SND1: variants seen among roughly 807,000 people sequenced by gnomAD.
SND1 encodes staphylococcal nuclease and tudor domain containing 1.
A neutral mutation model predicts 121.7 loss-of-function variants in SND1; 38 were observed. That is an observed-to-expected ratio of 0.31 (90% CI 0.24 to 0.41). The LOEUF (loss-of-function observed/expected upper bound fraction) is 0.41, where lower values mean the gene tolerates loss of function less well. Among genes scored for constraint, SND1 ranks in the 10% least tolerant of loss-of-function variants. SND1 has a pLI of 1.00. For synonymous variants in SND1, 401 were observed against 447.4 expected, an observed-to-expected ratio of 0.90 and a Z score of 1.31; for missense variants, 868 against 1,184.6, an observed-to-expected ratio of 0.73 and a Z score of 3.92.
chr7:127,765,057 G>A (rs1166201841), intron 10 of SND1, among the ~76,000 whole-genome samples: 1 of 152,160 alleles, frequency 6.6e-6, no homozygotes, highest in East Asian at 1.9e-4. Flanking sequence ...GGAGACTAAA[G>A]AGGAATTTAT....
intron 12 of SND1, among the ~76,000 whole-genome samples, chr7:127,847,727 G>A (rs34980225): frequency 0.065 from 9,910 of 152,262 alleles, 421 homozygotes; most frequent in Middle Eastern, 0.2. Flanking sequence ...GTGTTATTGA[G>A]CAACGGGCTC....
At chr7:127,737,527 A>G (rs1054277705) in intron 10 of SND1, among the ~76,000 whole-genome samples, 1 of 152,206 alleles carries the variant, frequency 6.6e-6, no homozygotes, top group Non-Finnish European at 1.5e-5. Flanking sequence ...GGGAGCCGAG[A>G]TCACAACATT....
chr7:127,703,385 T>G, intron 7 of SND1, 62 bp downstream of exon 7: 8 of 1,564,412 alleles, frequency 5.1e-6, no homozygotes, highest in Non-Finnish European at 7.0e-6. Context: ...GTTTGAAGAA[T>G]AGGGGTTTGC....
In SND1 at chr7:127,981,268, C is replaced by T. The variant is rs187423940; in HGVS notation, c.1670-9679C>T. ...TTTGGTATGGATAATAAAGAGAAAC[C>T]CAGGAAAAAAAAAAAATTTTTGAAA... On this transcript the variant is annotated intron_variant, in intron 15 of 23. Transcript: ENST00000354725. Among the ~76,000 whole-genome samples, 494 of 151,508 alleles carry T rather than the reference C, an allele frequency of 3.3e-3. 17 individuals are homozygous for T. Among genetic ancestry groups the T allele is most frequent in the Admixed American group, 0.03 (465 of 15,258 alleles).
chr7:127,822,455 T>A (rs1183064840), intron 11 of SND1, among the ~76,000 whole-genome samples: 2 of 152,360 alleles, frequency 1.3e-5, no homozygotes, highest in African/African-American at 2.4e-5. Context: ...AATGCAACTG[T>A]GAATTCTACT....
At chr7:127,933,250 C>T (rs1028571629) in intron 15 of SND1, among the ~76,000 whole-genome samples, 8 of 152,164 alleles carry the variant, frequency 5.3e-5, no homozygotes, top group African/African-American at 1.9e-4. Context: ...TCTGATCACT[C>T]GACTCTGCAT....
At chr7:127,871,497 T>A in intron 12 of SND1, among the ~76,000 whole-genome samples, 1 of 152,182 alleles carries the variant, frequency 6.6e-6, no homozygotes, top group East Asian at 1.9e-4. Flanking sequence ...TATAATCTTA[T>A]GGGATCCACC....
rs919948857 is a variant in SND1, at chr7:128,052,512, G to T, written c.1780-21990G>T. Among the ~76,000 whole-genome samples the T allele has an allele frequency of 6.6e-6, 1 of 152,216 alleles. No homozygotes were observed. The highest frequency in any genetic ancestry group is 2.4e-5 in the African/African-American group (1 of 41,450). On this transcript the variant is annotated intron_variant, in intron 16 of 23. Transcript: ENST00000354725. The surrounding 1 kb of genome is among the most constrained non-coding windows in gnomAD (Gnocchi z 4.6). ...CTCCTAGCAGCATCTGCTGAAAGGG[G>T]TGTAGTCATCCTGGCCCCAGACAGA... is the stretch of plus-strand genomic sequence containing the variant.
chr7:127,653,537 C>T (rs572048114), intron 1 of SND1, among the ~76,000 whole-genome samples: 2 of 152,206 alleles, frequency 1.3e-5, no homozygotes, highest in South Asian at 4.1e-4. Flanking sequence ...AGGCCTGGTG[C>T]GGTGGCTCAT....
intron 16 of SND1, among the ~76,000 whole-genome samples, chr7:128,066,130 G>A (rs1243912079): frequency 6.6e-6 from 1 of 152,192 alleles, no homozygotes; most frequent in Non-Finnish European, 1.5e-5. Context: ...GATGCTGATG[G>A]CAGTGGCTGC....
At position 127,907,825 on chromosome 7, in the gene SND1, C is replaced by A. The variant is rs141182222; in HGVS notation, c.1527+3006C>A. 9.1e-4 allele frequency among the ~76,000 whole-genome samples: 139 copies of A among 152,318 alleles called. 1 individual carries two copies. The highest frequency in any genetic ancestry group is 3.4e-3 in the Middle Eastern group (1 of 294). On this transcript the variant is annotated intron_variant, in intron 14 of 23. Coordinates refer to ENST00000354725, the MANE Select transcript of SND1 (RefSeq NM_014390.4). ...AGTTTCTACTCCTTTTCCATGATCT[C>A]TTCTCTTGCTGTTTAAAAAATGATT...
chr7:127,723,286 G>C (rs1796527761), intron 10 of SND1, among the ~76,000 whole-genome samples: 1 of 152,200 alleles, frequency 6.6e-6, no homozygotes, highest in Non-Finnish European at 1.5e-5. Context: ...TGGCTGACAG[G>C]AAATTGTTGG....
At chr7:128,038,005 T>A (rs532494843) in intron 16 of SND1, among the ~76,000 whole-genome samples, 31 of 152,326 alleles carry the variant, frequency 2.0e-4, no homozygotes, top group African/African-American at 7.5e-4. Flanking sequence ...GAGCTTCATG[T>A]TCATTGGAGA....
At chr7:127,956,830 T>A (rs116076790) in intron 15 of SND1, among the ~76,000 whole-genome samples, 2 of 152,224 alleles carry the variant, frequency 1.3e-5, no homozygotes, top group Non-Finnish European at 2.9e-5. Context: ...TATTAGATAT[T>A]ACTTACCACC....
At chr7:127,841,279 A>T (rs922285122) in intron 11 of SND1, among the ~76,000 whole-genome samples, 2 of 151,056 alleles carry the variant, frequency 1.3e-5, no homozygotes, top group African/African-American at 4.9e-5. Flanking sequence ...TTTTTTTTTT[A>T]AGCAGTGCTG....
At chr7:127,981,347 CATT>C (rs1334279105) in intron 15 of SND1, among the ~76,000 whole-genome samples, 2 of 152,162 alleles carry the variant, frequency 1.3e-5, no homozygotes, top group Non-Finnish European at 2.9e-5. Flanking sequence ...CTGATGGTGA[CATT>C]ATTGCAGCTG....
chr7:127,665,818 G>A (rs1193966864), intron 1 of SND1, among the ~76,000 whole-genome samples: 2 of 152,094 alleles, frequency 1.3e-5, no homozygotes, highest in Non-Finnish European at 2.9e-5. Flanking sequence ...AAAAAATTTT[G>A]GTAATAACCC....
intron 13 of SND1, among the ~76,000 whole-genome samples, chr7:127,890,149 TGTACGAGG>T (rs1008612718): frequency 1.3e-5 from 2 of 152,128 alleles, no homozygotes; most frequent in African/African-American, 4.8e-5. Context: ...CCACCAGCAG[TGTACGAGG>T]GCTCCCTTTT....
intron 15 of SND1, among the ~76,000 whole-genome samples, chr7:127,955,557 T>C (rs1325721602): frequency 2.0e-5 from 3 of 152,148 alleles, no homozygotes; most frequent in Non-Finnish European, 2.9e-5. Context: ...TAAAATTATC[T>C]AGGATTTAAA....
Sources: allele counts gnomAD v4.1 joint callset (sites outside exome capture counted in the v4.1 genomes callset), GRCh38; gene constraint gnomAD v4.1.1; non-coding constraint Gnocchi (gnomAD v3.1); transcripts MANE v1.5; gene names NCBI Gene and HGNC (gene_info 2026-07-23, HGNC 2026-07-21).